Variants in RABGAP1L observed in about 807,000 individuals in gnomAD.
RABGAP1L encodes rab GTPase-activating protein 1-like.
Under a neutral mutation model 137.7 loss-of-function variants are expected in RABGAP1L, and 63 were observed. The observed-to-expected ratio is 0.46, with a 90% CI of 0.37 to 0.56. The LOEUF (loss-of-function observed/expected upper bound fraction) is 0.56. Ranked by LOEUF, RABGAP1L falls within the 20% of genes least tolerant of loss-of-function variation. RABGAP1L has a pLI of 0.00. For missense variants in RABGAP1L, 1,095 were observed against 1,244.0 expected, an observed-to-expected ratio of 0.88 and a Z score of 1.80; for synonymous variants, 431 against 433.7, an observed-to-expected ratio of 0.99 and a Z score of 0.08.
chr1:174,645,969 C>CT (rs899800371), intron 14 of RABGAP1L, among the ~76,000 whole-genome samples: 1 of 152,064 alleles, frequency 6.6e-6, no homozygotes, highest in African/African-American at 2.4e-5. Flanking sequence ...TTATAATGAG[C>CT]TTTTTTTCAT....
At chr1:174,660,626 A>G (rs1055813149) in intron 14 of RABGAP1L, among the ~76,000 whole-genome samples, 2 of 152,112 alleles carry the variant, frequency 1.3e-5, no homozygotes, top group Non-Finnish European at 2.9e-5. Context: ...AACTCCACAT[A>G]TGACTATTCT....
intron 19 of RABGAP1L, among the ~76,000 whole-genome samples, chr1:174,943,807 G>A (rs969169550): frequency 1.3e-4 from 19 of 150,898 alleles, no homozygotes; most frequent in Non-Finnish European, 1.5e-4. Context: ...CACTCCAGCC[G>A]GCGCGACAGT....
At chr1:174,652,879 T>G (rs1675648344) in intron 14 of RABGAP1L, among the ~76,000 whole-genome samples, 1 of 152,206 alleles carries the variant, frequency 6.6e-6, no homozygotes, top group South Asian at 2.1e-4. Context: ...TGTTTAAGTC[T>G]GCTGAAGGTG....
chr1:174,719,540 G>T (rs1222062063), intron 17 of RABGAP1L, among the ~76,000 whole-genome samples: 3 of 152,084 alleles, frequency 2.0e-5, no homozygotes, highest in Non-Finnish European at 4.4e-5. Flanking sequence ...ATTGGTTGTT[G>T]GTTACACTTT....
intron 14 of RABGAP1L, among the ~76,000 whole-genome samples, chr1:174,664,117 G>A (rs748144896): frequency 6.6e-6 from 1 of 152,178 alleles, no homozygotes; most frequent in Admixed American, 6.5e-5. Context: ...ACAACTTTGT[G>A]TATTGATTAG....
At chr1:174,685,115 G>C (rs1001662851) in intron 15 of RABGAP1L, among the ~76,000 whole-genome samples, 1 of 152,178 alleles carries the variant, frequency 6.6e-6, no homozygotes. Context: ...TGGCAAAGGA[G>C]CAGTCAAAGG....
intron 19 of RABGAP1L, among the ~76,000 whole-genome samples, chr1:174,944,491 G>GC (rs937509056): frequency 1.3e-5 from 2 of 151,742 alleles, no homozygotes; most frequent in Non-Finnish European, 2.9e-5. Flanking sequence ...AAAGAAATCA[G>GC]CCAGGCTTGG....
chr1:174,419,076 C>A (rs1218918122), intron 13 of RABGAP1L, among the ~76,000 whole-genome samples: 1 of 152,080 alleles, frequency 6.6e-6, no homozygotes, highest in Non-Finnish European at 1.5e-5. Context: ...TATAAGGTAC[C>A]AATTCCATAC....
chr1:174,754,650 T>C (rs755333320), intron 18 of RABGAP1L, among the ~76,000 whole-genome samples: 11 of 152,116 alleles, frequency 7.2e-5, no homozygotes, highest in Non-Finnish European at 1.5e-4. Context: ...TACAGGTAGA[T>C]GCCACCATGC....
chr1:174,166,090 A>G (rs1260626312), intron 1 of RABGAP1L, among the ~76,000 whole-genome samples: 1 of 152,220 alleles, frequency 6.6e-6, no homozygotes. Context: ...TATGATTAAA[A>G]TATGATCCAG....
chr1:174,559,029 A>C (rs562029243), intron 13 of RABGAP1L, among the ~76,000 whole-genome samples: 1 of 152,298 alleles, frequency 6.6e-6, no homozygotes, highest in African/African-American at 2.4e-5. Context: ...ATTCTGCCAA[A>C]ATGTCAAGAA....
At chr1:174,833,606 C>A (rs2148921402) in intron 19 of RABGAP1L, among the ~76,000 whole-genome samples, 1 of 150,438 alleles carries the variant, frequency 6.6e-6, no homozygotes, top group African/African-American at 2.4e-5. Flanking sequence ...TACTCTAGTG[C>A]AGTATGATCA....
chr1:174,646,567 T>A (rs149099), intron 14 of RABGAP1L, among the ~76,000 whole-genome samples: 1 of 151,948 alleles, frequency 6.6e-6, no homozygotes, highest in East Asian at 1.9e-4. Context: ...TCCATTGGTC[T>A]ATATATCTGT....
intron 3 of RABGAP1L, among the ~76,000 whole-genome samples, chr1:174,227,497 A>G (rs1183016459): frequency 6.6e-6 from 1 of 151,904 alleles, no homozygotes; most frequent in Non-Finnish European, 1.5e-5. Flanking sequence ...CACTGCGCCC[A>G]GCTGACCATT....
chr1:174,372,253 C>G (rs897134443), intron 12 of RABGAP1L, among the ~76,000 whole-genome samples: 2 of 151,900 alleles, frequency 1.3e-5, no homozygotes, highest in African/African-American at 4.8e-5. Flanking sequence ...AACACCACCT[C>G]TAAAGGAATG....
intron 18 of RABGAP1L, among the ~76,000 whole-genome samples, chr1:174,780,576 A>G (rs1029632776): frequency 2.0e-5 from 3 of 151,944 alleles, no homozygotes; most frequent in Non-Finnish European, 2.9e-5. Flanking sequence ...ATATATATAT[A>G]TTTTTATTAT....
intron 11 of RABGAP1L, among the ~76,000 whole-genome samples, 184 bp downstream of exon 11, chr1:174,305,311 C>T (rs1293316029): frequency 2.0e-5 from 3 of 152,202 alleles, no homozygotes. Context: ...GCATAGTCTC[C>T]AGTGCCACTT....
chr1:174,770,972 C>T (rs1161709358), intron 18 of RABGAP1L, among the ~76,000 whole-genome samples: 1 of 152,170 alleles, frequency 6.6e-6, no homozygotes, highest in African/African-American at 2.4e-5. Flanking sequence ...TGTGTTTGAT[C>T]CTGGGGTTTA....
chr1:174,665,457 T>A (rs1335541588), intron 14 of RABGAP1L, among the ~76,000 whole-genome samples: 1 of 114,792 alleles, frequency 8.7e-6, no homozygotes. Context: ...CCGCCTCGCC[T>A]TGCCTCTTTC....
Sources: allele counts gnomAD v4.1 joint callset (sites outside exome capture counted in the v4.1 genomes callset), GRCh38; gene constraint gnomAD v4.1.1; transcripts MANE v1.5; gene names NCBI Gene and HGNC (gene_info 2026-07-23, HGNC 2026-07-21).